The following PRKN variants were observed in gnomAD, a reference collection of about 807,000 sequenced individuals.
PRKN encodes parkin RBR E3 ubiquitin protein ligase, also known as E3 ubiquitin-protein ligase parkin.
PRKN carries 56 observed loss-of-function variants against 59.5 expected under a neutral mutation model. The ratio of observed to expected loss-of-function variants is 0.94; its 90% CI spans 0.76 to 1.18. The LOEUF is 1.18. PRKN is among the 50% of genes most tolerant of loss of function. PRKN has a pLI of 0.00. For missense variants in PRKN, 657 were observed against 596.4 expected, an observed-to-expected ratio of 1.10 and a Z score of -1.06; for synonymous variants, 250 against 222.1, an observed-to-expected ratio of 1.13 and a Z score of -1.12.
chr6:161,513,719 A>G (rs946842743), intron 9 of PRKN, among the ~76,000 whole-genome samples: 4 of 151,934 alleles, frequency 2.6e-5, no homozygotes, highest in African/African-American at 9.7e-5. Flanking sequence ...GTTGTTTTTA[A>G]CTTAAGAATG....
intron 6 of PRKN, among the ~76,000 whole-genome samples, chr6:161,871,548 ACT>A (rs1279061634): frequency 3.3e-5 from 5 of 152,202 alleles, no homozygotes; most frequent in African/African-American, 1.2e-4. Flanking sequence ...ACAATCCTAG[ACT>A]CTACAAAGAA....
chr6:161,656,223 GAA>G (rs1001208141), intron 7 of PRKN, among the ~76,000 whole-genome samples: 11 of 152,192 alleles, frequency 7.2e-5, no homozygotes, highest in African/African-American at 2.4e-4. Context: ...CGTGCAGACT[GAA>G]AGTCAGCGCT....
intron 7 of PRKN, among the ~76,000 whole-genome samples, chr6:161,648,520 T>G (rs1784039954): frequency 6.6e-6 from 1 of 152,238 alleles, no homozygotes; most frequent in Non-Finnish European, 1.5e-5. Context: ...CCTATAGTTC[T>G]TAATTGCCAA....
Position 161,470,117 on chromosome 6 carries a change from T to C in PRKN, c.1083+78737A>G, listed in dbSNP as rs77956766. The stretch of plus-strand genomic sequence containing the variant: ...GTGAGCCACAGAGAAGTTAATTTGC[T>C]CAAAATTGCATAGCTAGGAAGTGAA... On this transcript the variant is annotated intron_variant, in intron 9 of 11. Coordinates refer to ENST00000366898, the MANE Select transcript of PRKN (RefSeq NM_004562.3). This position sits in a 1 kb window ranked among gnomAD's most constrained non-coding sequence, Gnocchi z 5.1. Among the ~76,000 whole-genome samples, 397 of 152,236 alleles carry C rather than the reference T, an allele frequency of 2.6e-3. 1 individual carries two copies. Among genetic ancestry groups the C allele is most frequent in the Non-Finnish European group, 3.9e-3 (264 of 68,004 alleles).
intron 9 of PRKN, among the ~76,000 whole-genome samples, chr6:161,439,604 G>A (rs12111180): frequency 0.025 from 3,742 of 152,244 alleles, 94 homozygotes; most frequent in African/African-American, 0.065. Flanking sequence ...CCTCTCTCCC[G>A]TGATGAAGCC....
intron 7 of PRKN, among the ~76,000 whole-genome samples, chr6:161,733,796 A>ATATATATATATATATATACG (rs1174992026): frequency 1.3e-5 from 1 of 77,186 alleles, no homozygotes; most frequent in Admixed American, 1.8e-4. Flanking sequence ...ATATATATAT[A>ATATATATATATATATATACG]TGTATATATA....
At chr6:161,930,553 T>C (rs1171866949) in intron 6 of PRKN, among the ~76,000 whole-genome samples, 1 of 152,222 alleles carries the variant, frequency 6.6e-6, no homozygotes, top group African/African-American at 2.4e-5. Context: ...TACTAAATGT[T>C]CTTGCCCATT....
At chr6:162,426,526 C>T (rs768235546) in intron 2 of PRKN, among the ~76,000 whole-genome samples, 4 of 152,246 alleles carry the variant, frequency 2.6e-5, no homozygotes, top group Non-Finnish European at 5.9e-5. Context: ...TCTCGGCTCA[C>T]TACAACCTCT....
At chr6:162,457,991 C>T (rs1015393195) in intron 1 of PRKN, among the ~76,000 whole-genome samples, 1 of 151,824 alleles carries the variant, frequency 6.6e-6, no homozygotes, top group Non-Finnish European at 1.5e-5. Flanking sequence ...TGCAGTGGCT[C>T]GTGCCTGTAA....
chr6:162,412,438 G>C (rs1788399215), intron 2 of PRKN, among the ~76,000 whole-genome samples: 1 of 151,918 alleles, frequency 6.6e-6, no homozygotes, highest in Non-Finnish European at 1.5e-5. Flanking sequence ...CCTATGCGAT[G>C]AAAATCTGTT....
At chr6:161,628,106 T>C (rs570193089) in intron 7 of PRKN, among the ~76,000 whole-genome samples, 14 of 152,310 alleles carry the variant, frequency 9.2e-5, no homozygotes, top group Non-Finnish European at 1.6e-4. Context: ...TATTGATTTA[T>C]TGCTCTCCTT....
intron 2 of PRKN, among the ~76,000 whole-genome samples, chr6:162,304,458 A>G (rs920440577): frequency 2.7e-5 from 4 of 150,832 alleles, no homozygotes; most frequent in East Asian, 1.9e-4. Flanking sequence ...AACTTTCCAT[A>G]TAACTAAAAT....
intron 7 of PRKN, among the ~76,000 whole-genome samples, chr6:161,781,014 G>A (rs979220355): frequency 6.6e-6 from 1 of 152,114 alleles, no homozygotes; most frequent in Non-Finnish European, 1.5e-5. Flanking sequence ...GAGTACTTAC[G>A]GAGATACATA....
intron 7 of PRKN, among the ~76,000 whole-genome samples, chr6:161,747,151 T>C (rs1023991439): frequency 6.6e-5 from 10 of 152,166 alleles, no homozygotes; most frequent in Non-Finnish European, 1.0e-4. Context: ...TGCTGGTCTT[T>C]GAAGACTGAA....
rs2128167646 is a variant in PRKN, at chr6:162,443,292, C to T, written c.171+18G>A. On this transcript the variant is annotated intron_variant, in intron 2 of 11. Transcript: ENST00000366898. ...GGAGCTGGCGGCATCCCAAGAACGG[C>T]CGCCAAGGGAGACTCACCTGCACAG... The T allele has an allele frequency of 6.2e-7, 1 of 1,612,006 alleles. No homozygotes were observed. The highest frequency in any genetic ancestry group is 8.5e-7 in the Non-Finnish European group (1 of 1,179,850).
chr6:161,677,763 C>A (rs931505325), intron 7 of PRKN, among the ~76,000 whole-genome samples: 2 of 152,186 alleles, frequency 1.3e-5, no homozygotes, highest in Non-Finnish European at 2.9e-5. Context: ...GATGTTATTA[C>A]CAAATCTCAA....
intron 2 of PRKN, among the ~76,000 whole-genome samples, chr6:162,347,919 A>G (rs1053841358): frequency 3.9e-5 from 6 of 152,182 alleles, no homozygotes; most frequent in African/African-American, 1.2e-4. Context: ...TACTGCCTTG[A>G]GAGCGTTTCC....
intron 6 of PRKN, among the ~76,000 whole-genome samples, chr6:161,859,142 T>A (rs999370919): frequency 1.3e-5 from 2 of 151,606 alleles, no homozygotes; most frequent in African/African-American, 4.8e-5. Flanking sequence ...GTGCTGGGAT[T>A]ACAGGCATAA....
chr6:161,859,610 CAAAAA>C (rs57747027), intron 6 of PRKN, among the ~76,000 whole-genome samples: 1 of 90,358 alleles, frequency 1.1e-5, no homozygotes, highest in Non-Finnish European at 2.2e-5. Flanking sequence ...GACTCTCTCT[CAAAAA>C]AAAAAAAAAA....
Sources: allele counts gnomAD v4.1 joint callset (sites outside exome capture counted in the v4.1 genomes callset), GRCh38; gene constraint gnomAD v4.1.1; non-coding constraint Gnocchi (gnomAD v3.1); transcripts MANE v1.5; gene names NCBI Gene and HGNC (gene_info 2026-07-23, HGNC 2026-07-21).